The following MRPL4 variants were observed in gnomAD, a reference collection of about 807,000 sequenced individuals.
MRPL4 encodes mitochondrial ribosomal protein L4.
In MRPL4, 34 loss-of-function variants were observed where a neutral mutation model predicts 34.1. The ratio of observed to expected loss-of-function variants is 1.00; its 90% CI spans 0.76 to 1.33. The LOEUF is 1.33. MRPL4 is among the 40% of genes most tolerant of loss of function. The pLI is 0.00. For synonymous variants in MRPL4, 196 were observed against 188.3 expected (o/e 1.04, Z -0.33); for missense variants, 402 against 434.6 (o/e 0.92, Z 0.67).
intron 4 of MRPL4, among the ~76,000 whole-genome samples, chr19:10,255,953 C>A (rs2039847403): frequency 6.6e-6 from 1 of 152,044 alleles, no homozygotes; most frequent in Non-Finnish European, 1.5e-5. Context: ...CCAAACCAGC[C>A]TAGTCAACGT....
intron 8 of MRPL4, chr19:10,259,124 A>AAAAAC: frequency 7.8e-7 from 1 of 1,274,826 alleles, no homozygotes; most frequent in Non-Finnish European, 9.9e-7. Flanking sequence ...AAAAAAAAAA[A>AAAAAC]AGCTCCAAAG....
chr19:10,257,515 C>A (rs2039863227), intron 5 of MRPL4, among the ~76,000 whole-genome samples: 1 of 152,146 alleles, frequency 6.6e-6, no homozygotes, highest in South Asian at 2.1e-4. Context: ...TCTTTTCTGC[C>A]CTGCCGGAAT....
intron 7 of MRPL4, 28 bp from the exon 8 acceptor site, chr19:10,258,581 A>G: frequency 6.2e-7 from 1 of 1,614,164 alleles, no homozygotes; most frequent in Non-Finnish European, 8.5e-7. Flanking sequence ...CTGAGGGTTC[A>G]ACCCCCACTC....
chr19:10,252,212 C>T (rs1225094256), upstream of MRPL4: 2 of 1,553,302 alleles, frequency 1.3e-6, no homozygotes, highest in East Asian at 2.4e-5. Flanking sequence ...TCGCGAGGCT[C>T]CAGTGGCCTT....
chr19:10,254,712 G>A (rs772651789), intron 4 of MRPL4, 72 bp downstream of exon 4: 4 of 1,551,610 alleles, frequency 2.6e-6, no homozygotes, highest in Non-Finnish European at 3.6e-6. Flanking sequence ...CCCAGAGGAA[G>A]CCCATCGCTG....
Position 10,258,403 on chromosome 19 carries a change from C to T in MRPL4, c.553-10C>T, listed in dbSNP as rs376535956. On this transcript the variant is annotated splice_polypyrimidine_tract_variant and intron_variant, in intron 6 of 8. Transcript: ENST00000253099. ...GACCCAGGGTTCAAACCATCCTTTC[C>T]TTCCACCAGGACGACCTGCACATCA... 2 of 1,614,006 alleles carry T rather than the reference C, an allele frequency of 1.2e-6. No homozygotes were observed. The highest frequency in any genetic ancestry group is 1.1e-5 in the South Asian group (1 of 91,074).
chr19:10,252,856 C>T (rs949251336), intron 3 of MRPL4, 155 bp downstream of exon 3: 2 of 1,108,270 alleles, frequency 1.8e-6, no homozygotes, highest in Non-Finnish European at 2.5e-6. Flanking sequence ...GACAGTTTCC[C>T]CTGCTGTAGC....
chr19:10,253,706 G>A (rs376557889), intron 3 of MRPL4, among the ~76,000 whole-genome samples: 10 of 151,616 alleles, frequency 6.6e-5, no homozygotes, highest in East Asian at 3.9e-4. Flanking sequence ...CATGAGAATC[G>A]CTTGCACCTG....
chr19:10,254,275 C>T (rs2039827331), intron 3 of MRPL4, among the ~76,000 whole-genome samples: 1 of 152,178 alleles, frequency 6.6e-6, no homozygotes, highest in Non-Finnish European at 1.5e-5. Context: ...CCTTGGCCTC[C>T]CAAAGTGCCA....
intron 3 of MRPL4, 117 bp downstream of exon 3, chr19:10,252,818 G>A: frequency 7.4e-7 from 1 of 1,354,356 alleles, no homozygotes; most frequent in Middle Eastern, 2.0e-4. Flanking sequence ...TACAGCCTCC[G>A]TTTCTCCACC....
chr19:10,252,841 A>G (rs1355001360), intron 3 of MRPL4, 140 bp downstream of exon 3: 7 of 1,215,046 alleles, frequency 5.8e-6, no homozygotes, highest in Admixed American at 2.6e-5. Flanking sequence ...TCAAAGGGGA[A>G]TGATGACAGT....
rs535179524 is a variant in MRPL4 at position 10,256,975 on chromosome 19, G to A, written c.445+150G>A. On this transcript the variant is annotated intron_variant, in intron 5 of 8. Coordinates refer to ENST00000253099, the MANE Select transcript of MRPL4 (RefSeq NM_015956.3). ...TGGAACCACCTGGGCTGGTGACATC[G>A]GAACTGAGGCCCTTGGACCTCACTA... 57 of 607,904 alleles carry A rather than the reference G, an allele frequency of 9.4e-5. 1 individual carries two copies. Among genetic ancestry groups the A allele is most frequent in the Middle Eastern group, 9.2e-4 (2 of 2,174 alleles). 37.7% of individuals were successfully genotyped at this position (607,904 alleles called of 1,614,324 possible).
At chr19:10,255,167 A>T (rs2039837901) in intron 4 of MRPL4, 2 of 152,760 alleles carry the variant, frequency 1.3e-5, no homozygotes, top group African/African-American at 2.4e-5. Context: ...AGGATATAGC[A>T]GGGACCACGA....
intron 8 of MRPL4, chr19:10,259,087 G>A: frequency 1.7e-6 from 2 of 1,166,580 alleles, no homozygotes; most frequent in Non-Finnish European, 2.1e-6. Flanking sequence ...GAGAGAGCTA[G>A]ACTCTTGTCT....
upstream of MRPL4, chr19:10,252,198 C>T: frequency 2.0e-6 from 3 of 1,503,788 alleles, no homozygotes; most frequent in Non-Finnish European, 2.7e-6. Flanking sequence ...CATCCAGCGG[C>T]GCCTCGCGAG....
chr19:10,258,812 T>G, intron 8 of MRPL4, 127 bp downstream of exon 8: 1 of 1,599,710 alleles, frequency 6.3e-7, no homozygotes, highest in East Asian at 2.2e-5. Flanking sequence ...GGACCCAACC[T>G]TCAGCTTGCC....
chr19:10,252,271 G>A lies in MRPL4; in HGVS notation c.18G>A (p.Arg6=). The stretch of plus-strand genomic sequence containing the variant: ...GCGCGGCGATGCTGCAGTTCGTCCG[G>A]GCCGGGGCGCGGGCCTGGCTTCGGC... MLQFV[R]AGARAWLRPT... Residue 6 remains arginine (R), a synonymous_variant, in exon 1 of 9, where the codon CGG becomes CGA. Transcript: ENST00000253099. 1 of 1,608,612 alleles carries A rather than the reference G, an allele frequency of 6.2e-7. No homozygotes were observed. The highest frequency in any genetic ancestry group is 8.5e-7 in the Non-Finnish European group (1 of 1,177,864).
rs533113083 is a variant in MRPL4, at chr19:10,260,030, T to C, written c.*217T>C. ...CCCTCTTTTTGTTTTTAAAATAAATTGTATTTTTGAATCAAGGAGGATAAA... is the reference window on the plus strand; with the variant it reads ...CCCTCTTTTTGTTTTTAAAATAAATCGTATTTTTGAATCAAGGAGGATAAA... On this transcript the variant is annotated 3_prime_UTR_variant, in exon 9 of 9. Coordinates refer to ENST00000253099, the MANE Select transcript of MRPL4 (RefSeq NM_015956.3). The C allele has an allele frequency of 2.8e-5, 13 of 466,956 alleles. No individual in the cohort carries two copies. Among genetic ancestry groups the C allele is most frequent in the African/African-American group, 2.6e-4 (13 of 49,568 alleles). The allele number at this position is 466,956 out of a possible 1,614,324, so 28.9% of individuals were successfully genotyped here. A position where few individuals can be genotyped will look rare whatever the true frequency, so the allele number is the denominator to read the frequency against.
chr19:10,258,369 G>T, intron 6 of MRPL4, 41 bp downstream of exon 6: 1 of 1,613,536 alleles, frequency 6.2e-7, no homozygotes, highest in Non-Finnish European at 8.5e-7. Flanking sequence ...TAGAGGTGGG[G>T]CTGCTCTGGA....
Sources: gnomAD v4.1 joint callset for allele counts (sites outside exome capture counted in the v4.1 genomes callset) on GRCh38, gnomAD v4.1.1 for gene constraint, MANE v1.5 for transcripts, NCBI Gene and HGNC (gene_info 2026-07-23, HGNC 2026-07-21) for gene names.